The following PTPRO variants were observed in gnomAD, a reference collection of about 807,000 sequenced individuals.
PTPRO encodes protein tyrosine phosphatase receptor type O, also known as receptor-type tyrosine-protein phosphatase O.
In PTPRO, 62 loss-of-function variants were observed where a neutral mutation model predicts 145.2. The observed-to-expected ratio is 0.43, with a 90% CI of 0.35 to 0.53. The LOEUF (loss-of-function observed/expected upper bound fraction) is 0.53, where lower values mean the gene tolerates loss of function less well. Among genes scored for constraint, PTPRO ranks in the 20% least tolerant of loss-of-function variants. The pLI is 0.01. For missense variants in PTPRO, 1,345 were observed against 1,482.7 expected, an observed-to-expected ratio of 0.91 and a Z score of 1.53; for synonymous variants, 565 against 514.7, an observed-to-expected ratio of 1.10 and a Z score of -1.32.
At chr12:15,525,379 C>G (rs183722672) in intron 11 of PTPRO, among the ~76,000 whole-genome samples, 6 of 152,202 alleles carry the variant, frequency 3.9e-5, no homozygotes, top group Admixed American at 2.0e-4. Context: ...ACAGACTAAA[C>G]TACTGTAATA....
At chr12:15,367,829 A>T (rs1938408112) in intron 1 of PTPRO, among the ~76,000 whole-genome samples, 1 of 152,132 alleles carries the variant, frequency 6.6e-6, no homozygotes, top group Admixed American at 6.6e-5. Flanking sequence ...CATGGACCTG[A>T]CGGGCTGTTG....
intron 1 of PTPRO, among the ~76,000 whole-genome samples, chr12:15,427,703 T>C (rs1015120713): frequency 1.3e-5 from 2 of 151,974 alleles, no homozygotes; most frequent in African/African-American, 4.8e-5. Context: ...TCTGATAATT[T>C]TATTATTAGA....
intron 12 of PTPRO, among the ~76,000 whole-genome samples, chr12:15,528,835 G>T (rs915392467): frequency 1.3e-5 from 2 of 151,948 alleles, no homozygotes; most frequent in African/African-American, 4.8e-5. Flanking sequence ...GCAACAAACT[G>T]TACAGGCCAT....
intron 1 of PTPRO, among the ~76,000 whole-genome samples, chr12:15,467,052 C>A (rs1941432706): frequency 6.6e-6 from 1 of 152,046 alleles, no homozygotes; most frequent in Non-Finnish European, 1.5e-5. Flanking sequence ...CTGAAAAGTG[C>A]AAATAGTAAT....
intron 12 of PTPRO, among the ~76,000 whole-genome samples, chr12:15,544,324 GAA>G (rs1335008540): frequency 2.6e-5 from 4 of 151,854 alleles, no homozygotes; most frequent in Non-Finnish European, 5.9e-5. Context: ...CCAACATGGT[GAA>G]ACCCTGTCTC....
chr12:15,449,126 A>AAAC (rs1193111290), intron 1 of PTPRO, among the ~76,000 whole-genome samples: 1 of 151,480 alleles, frequency 6.6e-6, no homozygotes, highest in Non-Finnish European at 1.5e-5. Context: ...TTACAGACAA[A>AAAC]AAAAAAAAAA....
chr12:15,448,534 A>G lies in PTPRO; in HGVS notation c.76-35440A>G, dbSNP rs572384101. 4.6e-5 allele frequency among the ~76,000 whole-genome samples: 7 copies of G among 152,052 alleles called. No individual in the cohort carries two copies. The South Asian group carries it at 8.3e-4, about 18-fold the overall frequency. On this transcript the variant is annotated intron_variant, in intron 1 of 26. Coordinates refer to ENST00000281171, the MANE Select transcript of PTPRO (RefSeq NM_030667.3). The stretch of plus-strand genomic sequence containing the variant: ...AAATGTCAAGAGAAAACAAGTGTGC[A>G]CAAGGTTGTGGAGAAAAGAGAAACC...
chr12:15,331,649 G>C (rs1432421896), intron 1 of PTPRO, among the ~76,000 whole-genome samples: 1 of 152,190 alleles, frequency 6.6e-6, no homozygotes, highest in Non-Finnish European at 1.5e-5. Flanking sequence ...AATAGGCAAA[G>C]TGAAGTCAAA....
At chr12:15,536,270 G>C (rs10444435) in intron 12 of PTPRO, among the ~76,000 whole-genome samples, 42,099 of 152,038 alleles carry the variant, frequency 0.28, 5,959 homozygotes, top group Middle Eastern at 0.38. Flanking sequence ...AGGATAGGAA[G>C]TGCTGTGGGG....
rs537986472 is a variant in PTPRO at position 15,352,739 on chromosome 12, A to G, written c.75+29938A>G. 2.6e-5 allele frequency among the ~76,000 whole-genome samples: 4 copies of G among 152,212 alleles called. No homozygotes were observed. In the South Asian group the frequency reaches 8.3e-4, roughly 32 times the overall value. On this transcript the variant is annotated intron_variant, in intron 1 of 26. Transcript: ENST00000281171. ...GCCATTGTGAAATTTGGATTTCACA[A>G]TTTAGGATGTGTGGGCCATCCTAAA... is the stretch of plus-strand genomic sequence containing the variant.
chr12:15,469,711 G>C (rs1204560977), intron 1 of PTPRO, among the ~76,000 whole-genome samples: 2 of 139,362 alleles, frequency 1.4e-5, no homozygotes, highest in East Asian at 4.3e-4. Flanking sequence ...TGAATAAATA[G>C]ACTGAAAGTC....
intron 1 of PTPRO, among the ~76,000 whole-genome samples, chr12:15,433,239 G>A (rs1043315789): frequency 9.0e-5 from 13 of 143,652 alleles, no homozygotes; most frequent in Non-Finnish European, 1.8e-4. Flanking sequence ...CAGTGGTGCC[G>A]ATCTCAGCTC....
intron 1 of PTPRO, among the ~76,000 whole-genome samples, chr12:15,388,195 A>G (rs1248989311): frequency 6.6e-6 from 1 of 152,198 alleles, no homozygotes; most frequent in Non-Finnish European, 1.5e-5. Context: ...TGAAAGGATG[A>G]TTAATTTCCA....
At chr12:15,353,062 C>T (rs1937862230) in intron 1 of PTPRO, among the ~76,000 whole-genome samples, 1 of 152,194 alleles carries the variant, frequency 6.6e-6, no homozygotes, top group African/African-American at 2.4e-5. Flanking sequence ...TTTCTTGCAT[C>T]ATTACCAGTG....
In PTPRO at chr12:15,515,482, G is replaced by A; in HGVS notation, c.1465-16G>A. The A allele has an allele frequency of 6.2e-7, 1 of 1,613,402 alleles. No homozygotes were observed. Among genetic ancestry groups the A allele is most frequent in the Non-Finnish European group, 8.5e-7 (1 of 1,179,484 alleles). ...TCCCAGCTCTAAATAAATCTTATTG[G>A]GTGTTTGGTTTAAAGGTGAACTCAA... On this transcript the variant is annotated splice_polypyrimidine_tract_variant and intron_variant, in intron 7 of 26. Coordinates refer to ENST00000281171, the MANE Select transcript of PTPRO (RefSeq NM_030667.3).
At chr12:15,514,747 T>C (rs987127202) in intron 7 of PTPRO, among the ~76,000 whole-genome samples, 3 of 152,018 alleles carry the variant, frequency 2.0e-5, no homozygotes, top group Admixed American at 6.6e-5. Flanking sequence ...TTTATTTATT[T>C]ATTTATTTTA....
At chr12:15,389,774 T>C (rs1939137794) in intron 1 of PTPRO, among the ~76,000 whole-genome samples, 1 of 152,180 alleles carries the variant, frequency 6.6e-6, no homozygotes, top group South Asian at 2.1e-4. Context: ...CCTTCCAACA[T>C]TGCCTGTTTC....
intron 25 of PTPRO, among the ~76,000 whole-genome samples, chr12:15,591,072 C>T (rs1944540380): frequency 6.6e-6 from 1 of 152,118 alleles, no homozygotes; most frequent in Non-Finnish European, 1.5e-5. Flanking sequence ...CCTTTTACAA[C>T]TTCATAGATT....
intron 1 of PTPRO, among the ~76,000 whole-genome samples, chr12:15,346,979 C>T (rs767473651): frequency 6.6e-6 from 1 of 152,100 alleles, no homozygotes; most frequent in Admixed American, 6.6e-5. Context: ...GATACTCATT[C>T]TCACCTTCCT....
Sources: gnomAD v4.1 joint callset for allele counts (sites outside exome capture counted in the v4.1 genomes callset) on GRCh38, gnomAD v4.1.1 for gene constraint, MANE v1.5 for transcripts, NCBI Gene and HGNC (gene_info 2026-07-23, HGNC 2026-07-21) for gene names.